Variants in RAC2 observed in about 807,000 individuals in gnomAD.
RAC2 encodes Rac family small GTPase 2, also known as ras-related C3 botulinum toxin substrate 2.
In RAC2, 1 loss-of-function variant was observed where a neutral mutation model predicts 24.0. The ratio of observed to expected loss-of-function variants is 0.04; its 90% CI spans 0.01 to 0.20. RAC2 has a LOEUF of 0.20. Ranked by LOEUF, RAC2 falls within the 10% of genes least tolerant of loss-of-function variation. RAC2 has a pLI of 1.00. For missense variants in RAC2, 130 were observed against 259.1 expected (o/e 0.50, Z 3.42); for synonymous variants, 114 against 106.8 (o/e 1.07, Z -0.41).
intron 1 of RAC2, among the ~76,000 whole-genome samples, chr22:37,243,400 T>C (rs535085825): frequency 6.6e-6 from 1 of 152,154 alleles, no homozygotes; most frequent in South Asian, 2.1e-4. Flanking sequence ...CAGCCCAGCC[T>C]GCCCCTCCCC....
intron 5 of RAC2, among the ~76,000 whole-genome samples, chr22:37,228,853 G>A (rs1010923025): frequency 2.0e-5 from 3 of 152,208 alleles, no homozygotes; most frequent in Non-Finnish European, 4.4e-5. Context: ...CACTCGCTCT[G>A]AGTCACATGC....
intron 5 of RAC2, among the ~76,000 whole-genome samples, chr22:37,228,051 C>T (rs1926938207): frequency 6.6e-6 from 1 of 152,194 alleles, no homozygotes; most frequent in Non-Finnish European, 1.5e-5. Context: ...TGCAAATAAT[C>T]CCCAGGAGGC....
rs8135343 is a variant in RAC2, at chr22:37,231,805, G to A, written c.288+127C>T. On this transcript the variant is annotated intron_variant, in intron 4 of 6. Transcript: ENST00000249071. This position sits in a 1 kb window ranked among gnomAD's most constrained non-coding sequence, Gnocchi z 5.5. ...CAAGTCCCTCTGCCAGCCCTGGTTG[G>A]CACTGGGGACCCTCTCTGTATGCGA... 415,807 of 1,117,006 alleles carry A rather than the reference G, an allele frequency of 0.37. 78,788 individuals carry two copies. The highest frequency in any genetic ancestry group is 0.45 in the African/African-American group (28,717 of 64,360). 69.2% of individuals were successfully genotyped at this position (1,117,006 alleles called of 1,614,324 possible).
At chr22:37,244,088 G>C (rs1569093864) in intron 1 of RAC2, 26 bp downstream of exon 1, 1 of 1,614,088 alleles carries the variant, frequency 6.2e-7, no homozygotes, top group East Asian at 2.2e-5. Context: ...GTTGGGGGCT[G>C]TGAGGAAGTC....
At position 37,231,629 on chromosome 22, in the gene RAC2, G is replaced by C; in HGVS notation, c.289-239C>G. On this transcript the variant is annotated intron_variant, in intron 4 of 6. Transcript: ENST00000249071. This position sits in a 1 kb window ranked among gnomAD's most constrained non-coding sequence, Gnocchi z 5.5. ...GTAGGAAAGGAGGAGGCGAGGTTTT[G>C]TGCAGACATAAGAAGCAAACATGAG... 1.7e-6 allele frequency: 1 copy of C among 605,114 alleles called. No individual in the cohort carries two copies. Among genetic ancestry groups the C allele is most frequent in the Non-Finnish European group, 2.9e-6 (1 of 341,044 alleles). The allele number at this position is 605,114 out of a possible 1,614,324, so 37.5% of individuals were successfully genotyped here. A position where few individuals can be genotyped will look rare whatever the true frequency, so the allele number is the denominator to read the frequency against.
intron 2 of RAC2, among the ~76,000 whole-genome samples, chr22:37,237,488 G>A (rs1318762635): frequency 2.6e-5 from 4 of 152,218 alleles, no homozygotes; most frequent in African/African-American, 9.6e-5. Context: ...CACACACAGC[G>A]GCAGGAGCAG....
intron 2 of RAC2, chr22:37,241,177 C>T (rs775938952): frequency 2.6e-6 from 2 of 778,040 alleles, no homozygotes; most frequent in Non-Finnish European, 2.4e-6. Flanking sequence ...CTGCAGACAG[C>T]TCTGTTCCAC....
chr22:37,236,422 C>T (rs148042333), intron 2 of RAC2, among the ~76,000 whole-genome samples: 12 of 152,324 alleles, frequency 7.9e-5, no homozygotes, highest in Admixed American at 4.6e-4. Context: ...CCCCATTTTC[C>T]GGATGAAGAA....
intron 1 of RAC2, among the ~76,000 whole-genome samples, 184 bp from the exon 2 acceptor site, chr22:37,241,842 A>G (rs1459604527): frequency 6.6e-6 from 1 of 152,094 alleles, no homozygotes; most frequent in Non-Finnish European, 1.5e-5. Flanking sequence ...AGTCATGTGG[A>G]TGTTTGTTAA....
chr22:37,236,971 A>G (rs1217162315), intron 2 of RAC2, among the ~76,000 whole-genome samples: 1 of 152,092 alleles, frequency 6.6e-6, no homozygotes, highest in Non-Finnish European at 1.5e-5. Flanking sequence ...CAGGTGGATC[A>G]CCAGGTCAAG....
intron 2 of RAC2, among the ~76,000 whole-genome samples, chr22:37,233,208 C>T (rs1449819769): frequency 6.6e-6 from 1 of 152,176 alleles, no homozygotes. Flanking sequence ...GTAACTTTTC[C>T]TCCCAGTCTT....
At chr22:37,233,899 G>C (rs1029810090) in intron 2 of RAC2, among the ~76,000 whole-genome samples, 1 of 152,132 alleles carries the variant, frequency 6.6e-6, no homozygotes, top group South Asian at 2.1e-4. Flanking sequence ...CAGGGAAAGA[G>C]GGCTGCTTCC....
At chr22:37,236,810 C>T (rs925021431) in intron 2 of RAC2, among the ~76,000 whole-genome samples, 2 of 152,112 alleles carry the variant, frequency 1.3e-5, no homozygotes, top group Non-Finnish European at 2.9e-5. Flanking sequence ...CATAGGGGCA[C>T]GGACCAGTCA....
At chr22:37,236,781 G>C (rs1403112658) in intron 2 of RAC2, among the ~76,000 whole-genome samples, 1 of 152,154 alleles carries the variant, frequency 6.6e-6, no homozygotes, top group African/African-American at 2.4e-5. Context: ...GTGACTTGGG[G>C]GTGAGAAAGG....
In RAC2 at chr22:37,231,715, G is replaced by C. The variant is rs904600491; in HGVS notation, c.288+217C>G. On this transcript the variant is annotated intron_variant, in intron 4 of 6. Transcript: ENST00000249071. The surrounding 1 kb of genome is among the most constrained non-coding windows in gnomAD (Gnocchi z 5.5). ...TGGGGAGGAGGAGAATGCAGCCATG[G>C]AAAGTGGGGGTATAGCTAACTATCG... Among the ~76,000 whole-genome samples the C allele has an allele frequency of 2.0e-5, 3 of 152,040 alleles. No homozygotes were observed. The highest frequency in any genetic ancestry group is 4.4e-5 in the Non-Finnish European group (3 of 67,998).
chr22:37,233,080 C>A (rs1430232631), intron 2 of RAC2, among the ~76,000 whole-genome samples, 162 bp from the exon 3 acceptor site: 2 of 152,276 alleles, frequency 1.3e-5, no homozygotes, highest in South Asian at 2.1e-4. Context: ...TTATTTGTTT[C>A]ATTACTGATT....
intron 2 of RAC2, among the ~76,000 whole-genome samples, chr22:37,238,187 G>A (rs988894815): frequency 6.6e-6 from 1 of 152,130 alleles, no homozygotes; most frequent in Non-Finnish European, 1.5e-5. Context: ...GGAGCCACAG[G>A]AGAGATTTAG....
intron 1 of RAC2, 124 bp downstream of exon 1, chr22:37,243,990 C>T (rs1325733827): frequency 3.7e-6 from 5 of 1,348,288 alleles, no homozygotes; most frequent in Non-Finnish European, 5.3e-6. Context: ...GAAGCGTCCC[C>T]TCCAAGCTGC....
intron 5 of RAC2, among the ~76,000 whole-genome samples, chr22:37,228,356 C>T (rs199834453): frequency 1.0e-5 from 1 of 99,342 alleles, no homozygotes; most frequent in Non-Finnish European, 2.0e-5. Flanking sequence ...CTAGTTCCCA[C>T]CCCCAGGGAC....
Sources: allele counts gnomAD v4.1 joint callset (sites outside exome capture counted in the v4.1 genomes callset), GRCh38; gene constraint gnomAD v4.1.1; non-coding constraint Gnocchi (gnomAD v3.1); transcripts MANE v1.5; gene names NCBI Gene and HGNC (gene_info 2026-07-23, HGNC 2026-07-21).